The following CYS1 variants were observed in gnomAD, a reference collection of about 807,000 sequenced individuals.
The protein encoded by CYS1 is cystin-1.
In CYS1, 5 loss-of-function variants were observed where a neutral mutation model predicts 9.6. The ratio of observed to expected loss-of-function variants is 0.52; its 90% CI spans 0.27 to 1.10. The LOEUF is 1.10. Ranked by LOEUF, CYS1 falls within the 50% of genes least tolerant of loss-of-function variation. The pLI is 0.11. For synonymous variants in CYS1, 88 were observed against 95.7 expected (o/e 0.92, Z 0.47); for missense variants, 221 against 207.9 (o/e 1.06, Z -0.39).
chr2:10,060,930 T>TTGCAGTGGCTCATGCCTGGCCCGG (rs1558356601), intron 2 of CYS1, among the ~76,000 whole-genome samples: 2 of 152,224 alleles, frequency 1.3e-5, no homozygotes, highest in African/African-American at 4.8e-5. Flanking sequence ...GCTGTTAGTT[T>TTGCAGTGGCTCATGCCTGGCCCGG]CGCAGTGGCT....
Position 10,056,815 on chromosome 2 carries a change from ATTATTT to A in CYS1, c.*2032_*2037del, listed in dbSNP as rs894581261. 9 of 152,256 alleles carry A rather than the reference ATTATTT, an allele frequency of 5.9e-5. No individual in the cohort carries two copies. Among genetic ancestry groups the A allele is most frequent in the South Asian group, 2.1e-4 (1 of 4,824 alleles). 9.4% of individuals were successfully genotyped at this position (152,256 alleles called of 1,614,324 possible). ...CACTGCTTTATTTGTTCTTTTTATTATTATTTTTAAGTTCACCTACAGCTGCAGTAC... is the reference window on the plus strand; with the variant it reads ...CACTGCTTTATTTGTTCTTTTTATTATTAAGTTCACCTACAGCTGCAGTAC... On this transcript the variant is annotated 3_prime_UTR_variant, in exon 3 of 3. Coordinates refer to ENST00000381813, the MANE Select transcript of CYS1 (RefSeq NM_001037160.3).
chr2:10,064,928 G>A (rs1192187356), intron 2 of CYS1, among the ~76,000 whole-genome samples: 1 of 150,108 alleles, frequency 6.7e-6, no homozygotes, highest in East Asian at 2.0e-4. Flanking sequence ...TTTTAGTAGA[G>A]ACAGGGTTTC....
chr2:10,061,209 A>G (rs1331909443), intron 2 of CYS1, among the ~76,000 whole-genome samples: 2 of 152,166 alleles, frequency 1.3e-5, no homozygotes, highest in East Asian at 3.9e-4. Flanking sequence ...TCCAGCCTGG[A>G]CGACAGAACA....
At chr2:10,075,192 G>A (rs1235479747) in intron 1 of CYS1, among the ~76,000 whole-genome samples, 2 of 151,962 alleles carry the variant, frequency 1.3e-5, no homozygotes, top group South Asian at 2.1e-4. Context: ...TCCACCCTTT[G>A]TCAACCGCTG....
At chr2:10,064,607 CT>C (rs1470308612) in intron 2 of CYS1, among the ~76,000 whole-genome samples, 6 of 152,204 alleles carry the variant, frequency 3.9e-5, no homozygotes, top group Non-Finnish European at 7.3e-5. Context: ...CCCCAATTCC[CT>C]CCTACCACCC....
chr2:10,071,301 G>T (rs1661765125), intron 1 of CYS1, among the ~76,000 whole-genome samples: 1 of 152,180 alleles, frequency 6.6e-6, no homozygotes, highest in Non-Finnish European at 1.5e-5. Flanking sequence ...AGGACATCCA[G>T]CCAAGCCCAG....
chr2:10,060,605 C>T (rs190352533), intron 2 of CYS1, among the ~76,000 whole-genome samples: 37 of 152,356 alleles, frequency 2.4e-4, no homozygotes, highest in East Asian at 1.4e-3. Context: ...GAAACAGCTG[C>T]GTGGTCACTG....
chr2:10,058,541 CAACCAAG>C lies in CYS1; in HGVS notation c.*305_*311del, dbSNP rs1325285363. 1 of 289,050 alleles carries C rather than the reference CAACCAAG, an allele frequency of 3.5e-6. No individual in the cohort carries two copies. Among genetic ancestry groups the C allele is most frequent in the Non-Finnish European group, 6.6e-6 (1 of 152,622 alleles). 17.9% of individuals were successfully genotyped at this position (289,050 alleles called of 1,614,324 possible). ...AGCCCTCCCCACTGTGGAGAGCGGG[CAACCAAG>C]AGGGGCACGCATTTCAGGCTCCAGA... On this transcript the variant is annotated 3_prime_UTR_variant, in exon 3 of 3. Coordinates refer to ENST00000381813, the MANE Select transcript of CYS1 (RefSeq NM_001037160.3).
At chr2:10,067,469 CTGATCA>C (rs1661714107) in intron 1 of CYS1, among the ~76,000 whole-genome samples, 1 of 146,536 alleles carries the variant, frequency 6.8e-6, no homozygotes, top group African/African-American at 2.5e-5. Flanking sequence ...GTGCAGTGGC[CTGATCA>C]TAGTTCACTG....
At chr2:10,073,870 G>A in intron 1 of CYS1, among the ~76,000 whole-genome samples, 1 of 149,716 alleles carries the variant, frequency 6.7e-6, no homozygotes, top group East Asian at 1.9e-4. Flanking sequence ...GGCAGGAAAT[G>A]TGAGGCTGTA....
At chr2:10,068,380 G>A (rs1363922440) in intron 1 of CYS1, among the ~76,000 whole-genome samples, 1 of 151,928 alleles carries the variant, frequency 6.6e-6, no homozygotes, top group East Asian at 1.9e-4. Flanking sequence ...TTTTGTCATT[G>A]GCAGCTTGTC....
At chr2:10,065,094 G>C (rs1224902250) in intron 2 of CYS1, among the ~76,000 whole-genome samples, 1 of 152,038 alleles carries the variant, frequency 6.6e-6, no homozygotes, top group Non-Finnish European at 1.5e-5. Context: ...CTCGCTGCTT[G>C]CATTTCCCGA....
At chr2:10,067,276 C>G (rs1285808619) in intron 1 of CYS1, among the ~76,000 whole-genome samples, 1 of 152,142 alleles carries the variant, frequency 6.6e-6, no homozygotes, top group Admixed American at 6.5e-5. Context: ...CCTCAGCCTC[C>G]CAAAGTGCTG....
intron 2 of CYS1, among the ~76,000 whole-genome samples, chr2:10,064,061 A>G (rs1661663215): frequency 6.6e-6 from 1 of 152,176 alleles, no homozygotes; most frequent in African/African-American, 2.4e-5. Context: ...TGTCTCTACA[A>G]AAAATACAAA....
Position 10,058,479 on chromosome 2 carries a change from G to A in CYS1, c.*374C>T, listed in dbSNP as rs1274065709. 3 of 193,716 alleles carry A rather than the reference G, an allele frequency of 1.5e-5. No homozygotes were observed. The highest frequency in any genetic ancestry group is 3.2e-5 in the Non-Finnish European group (3 of 94,160). 12.0% of individuals were successfully genotyped at this position (193,716 alleles called of 1,614,324 possible). On this transcript the variant is annotated 3_prime_UTR_variant, in exon 3 of 3. Coordinates refer to ENST00000381813, the MANE Select transcript of CYS1 (RefSeq NM_001037160.3). The stretch of plus-strand genomic sequence containing the variant: ...CTTCCGGAAGTGTTGTGGCGCGGAT[G>A]CCAGGAGGGGCTCGCTTGTGTCACC...
intron 1 of CYS1, among the ~76,000 whole-genome samples, chr2:10,075,169 C>G (rs569280266): frequency 1.7e-4 from 26 of 152,164 alleles, no homozygotes; most frequent in African/African-American, 6.3e-4. Context: ...ATTGTTTCCT[C>G]TTTATGGAAA....
Position 10,076,980 on chromosome 2 carries a change from A to G in CYS1, c.318+2926T>C, listed in dbSNP as rs1013291997. On this transcript the variant is annotated intron_variant, in intron 1 of 2. Coordinates refer to ENST00000381813, the MANE Select transcript of CYS1 (RefSeq NM_001037160.3). The surrounding 1 kb of genome is among the most constrained non-coding windows in gnomAD (Gnocchi z 4.3). ...CTCAAATTTAACATACTGAAAACCA[A>G]CTTCCTGGTTAATGACACCCCAAAC... Among the ~76,000 whole-genome samples the G allele has an allele frequency of 6.6e-6, 1 of 151,994 alleles. No individual in the cohort carries two copies. The highest frequency in any genetic ancestry group is 2.4e-5 in the African/African-American group (1 of 41,350).
At chr2:10,078,530 A>T (rs959565275) in intron 1 of CYS1, among the ~76,000 whole-genome samples, 2 of 152,210 alleles carry the variant, frequency 1.3e-5, no homozygotes, top group Non-Finnish European at 2.9e-5. Flanking sequence ...CAGTGACATT[A>T]GGCATGAGGT....
At position 10,065,798 on chromosome 2, in the gene CYS1, C is replaced by A. The variant is rs79401765; in HGVS notation, c.371+106G>T. 3 of 1,119,570 alleles carry A rather than the reference C, an allele frequency of 2.7e-6. No homozygotes were observed. In the South Asian group the frequency reaches 3.9e-5, roughly 14 times the overall value. The allele number at this position is 1,119,570 out of a possible 1,614,324, so 69.4% of individuals were successfully genotyped here. On this transcript the variant is annotated intron_variant, in intron 2 of 2. Coordinates refer to ENST00000381813, the MANE Select transcript of CYS1 (RefSeq NM_001037160.3). ...TAGAGGGAGCTGCCTCTGGAAACCT[C>A]GTGAGGACCTGGAGGAAAGTGGGGG...
Sources: allele counts gnomAD v4.1 joint callset (sites outside exome capture counted in the v4.1 genomes callset), GRCh38; gene constraint gnomAD v4.1.1; non-coding constraint Gnocchi (gnomAD v3.1); transcripts MANE v1.5; gene names NCBI Gene and HGNC (gene_info 2026-07-23, HGNC 2026-07-21).